Variants in B3GALT1 observed in about 807,000 individuals in gnomAD.
B3GALT1 encodes beta-1,3-galactosyltransferase 1.
B3GALT1 carries 10 observed loss-of-function variants against 23.2 expected under a neutral mutation model. That is an observed-to-expected ratio of 0.43 (90% CI 0.27 to 0.73). The LOEUF (loss-of-function observed/expected upper bound fraction) is 0.73. Ranked by LOEUF, B3GALT1 falls within the 30% of genes least tolerant of loss-of-function variation. The pLI is 0.21. For synonymous variants in B3GALT1, 156 were observed against 141.5 expected (o/e 1.10, Z -0.73); for missense variants, 299 against 405.4 (o/e 0.74, Z 2.25).
chr2:167,844,317 C>T (rs1331891229), intron 4 of B3GALT1, among the ~76,000 whole-genome samples: 1 of 152,194 alleles, frequency 6.6e-6, no homozygotes, highest in Non-Finnish European at 1.5e-5. Context: ...ATTTTAGCTC[C>T]AGATCGACTG....
chr2:167,559,552 T>G (rs923988316), intron 2 of B3GALT1, among the ~76,000 whole-genome samples: 7 of 152,182 alleles, frequency 4.6e-5, no homozygotes, highest in African/African-American at 1.7e-4. Flanking sequence ...AGTTGAAAAC[T>G]TTGAAAAAAA....
At chr2:167,730,856 A>G (rs1687399377) in intron 3 of B3GALT1, among the ~76,000 whole-genome samples, 1 of 152,210 alleles carries the variant, frequency 6.6e-6, no homozygotes, top group Non-Finnish European at 1.5e-5. Flanking sequence ...ACTTTTAAAG[A>G]TATTTATAAT....
chr2:167,706,070 T>A (rs574316686), intron 3 of B3GALT1, among the ~76,000 whole-genome samples: 10 of 152,284 alleles, frequency 6.6e-5, no homozygotes, highest in Admixed American at 6.5e-4. Flanking sequence ...CGGGGGAGGC[T>A]GAAAAGAAGA....
At chr2:167,372,325 T>A (rs969649476) in intron 1 of B3GALT1, among the ~76,000 whole-genome samples, 3 of 152,052 alleles carry the variant, frequency 2.0e-5, no homozygotes, top group Non-Finnish European at 4.4e-5. Flanking sequence ...CATAAAACTG[T>A]CAGAAAACTG....
intron 1 of B3GALT1, among the ~76,000 whole-genome samples, chr2:167,438,638 G>A (rs1698827362): frequency 6.6e-6 from 1 of 152,226 alleles, no homozygotes; most frequent in African/African-American, 2.4e-5. Flanking sequence ...GCTGGAAAAT[G>A]CATCAGAGAA....
intron 1 of B3GALT1, among the ~76,000 whole-genome samples, chr2:167,320,456 CTGGGATTA>C (rs994507822): frequency 2.0e-5 from 3 of 152,006 alleles, no homozygotes; most frequent in African/African-American, 7.2e-5. Flanking sequence ...TCCCAGAGTG[CTGGGATTA>C]CAGGTGTGAG....
At chr2:167,550,358 A>G (rs1160861685) in intron 2 of B3GALT1, among the ~76,000 whole-genome samples, 1 of 152,246 alleles carries the variant, frequency 6.6e-6, no homozygotes, top group Non-Finnish European at 1.5e-5. Flanking sequence ...ATAAGTCTCC[A>G]GAAACTTACT....
intron 3 of B3GALT1, among the ~76,000 whole-genome samples, chr2:167,651,390 A>G (rs1685864131): frequency 6.6e-6 from 1 of 151,750 alleles, no homozygotes; most frequent in East Asian, 1.9e-4. Flanking sequence ...ATACCCCAAA[A>G]CTGTCTTCTG....
intron 2 of B3GALT1, among the ~76,000 whole-genome samples, chr2:167,514,004 T>A (rs1241189754): frequency 6.6e-6 from 1 of 152,194 alleles, no homozygotes; most frequent in African/African-American, 2.4e-5. Flanking sequence ...CCTCCCGGGT[T>A]CATGCCATTC....
intron 3 of B3GALT1, chr2:167,715,935 A>G: frequency 6.2e-7 from 1 of 1,613,096 alleles, no homozygotes; most frequent in Non-Finnish European, 8.5e-7. Flanking sequence ...TGCGCATACC[A>G]CCAGTTCGCA....
intron 3 of B3GALT1, among the ~76,000 whole-genome samples, chr2:167,774,342 C>G (rs1688121249): frequency 6.6e-6 from 1 of 152,080 alleles, no homozygotes; most frequent in African/African-American, 2.4e-5. Context: ...GAGAATATCA[C>G]TGAAAACAGG....
At chr2:167,637,772 G>T (rs914048348) in intron 2 of B3GALT1, among the ~76,000 whole-genome samples, 57 of 151,478 alleles carry the variant, frequency 3.8e-4, no homozygotes, top group Non-Finnish European at 3.8e-4. Flanking sequence ...TTTTGGGCCT[G>T]GCTTATTTCA....
intron 1 of B3GALT1, among the ~76,000 whole-genome samples, chr2:167,442,097 T>TC (rs1303366143): frequency 6.6e-6 from 1 of 151,672 alleles, no homozygotes. Flanking sequence ...ATCTCATTGT[T>TC]CAATTCCCAC....
At chr2:167,764,539 A>G (rs1194869753) in intron 3 of B3GALT1, among the ~76,000 whole-genome samples, 1 of 152,214 alleles carries the variant, frequency 6.6e-6, no homozygotes, top group Non-Finnish European at 1.5e-5. Flanking sequence ...ACAACAAAGC[A>G]TTCATTTTTA....
intron 1 of B3GALT1, among the ~76,000 whole-genome samples, chr2:167,368,255 C>T (rs2105267476): frequency 6.6e-6 from 1 of 152,256 alleles, no homozygotes; most frequent in East Asian, 1.9e-4. Flanking sequence ...GTTTCATCCT[C>T]AATTGCCTTG....
At chr2:167,352,103 G>A (rs1046578122) in intron 1 of B3GALT1, among the ~76,000 whole-genome samples, 1 of 151,434 alleles carries the variant, frequency 6.6e-6, no homozygotes, top group Admixed American at 6.6e-5. Flanking sequence ...GGAATTACAG[G>A]AGTGCACCAC....
chr2:167,474,260 T>C (rs1699461936), intron 1 of B3GALT1, among the ~76,000 whole-genome samples: 1 of 152,202 alleles, frequency 6.6e-6, no homozygotes, highest in South Asian at 2.1e-4. Context: ...ACTTGACGTC[T>C]GGTGACAGAG....
chr2:167,705,382 T>C (rs2105513553), intron 3 of B3GALT1, among the ~76,000 whole-genome samples: 1 of 152,218 alleles, frequency 6.6e-6, no homozygotes, highest in East Asian at 1.9e-4. Flanking sequence ...TTAGAAAAAA[T>C]GGGAGAAAGG....
At chr2:167,689,367 T>A (rs770966285) in intron 3 of B3GALT1, among the ~76,000 whole-genome samples, 11 of 151,964 alleles carry the variant, frequency 7.2e-5, no homozygotes, top group Non-Finnish European at 1.5e-4. Flanking sequence ...TCAAGAAAAT[T>A]AAGAAAACTT....
Sources: allele counts gnomAD v4.1 joint callset (sites outside exome capture counted in the v4.1 genomes callset), GRCh38; gene constraint gnomAD v4.1.1; transcripts MANE v1.5; gene names NCBI Gene and HGNC (gene_info 2026-07-23, HGNC 2026-07-21).